XPA: variants seen among roughly 807,000 people sequenced by gnomAD.
XPA encodes the protein XPA, DNA damage recognition and repair factor.
A neutral mutation model predicts 35.7 loss-of-function variants in XPA; 27 were observed. The observed-to-expected ratio is 0.76, with a 90% CI of 0.56 to 1.04. The LOEUF (loss-of-function observed/expected upper bound fraction) is 1.04, where lower values mean the gene tolerates loss of function less well. Among genes scored for constraint, XPA ranks in the 50% least tolerant of loss-of-function variants. XPA has a pLI of 0.00. For missense variants in XPA, 354 were observed against 342.7 expected, an observed-to-expected ratio of 1.03 and a Z score of -0.26; for synonymous variants, 133 against 118.4, an observed-to-expected ratio of 1.12 and a Z score of -0.80.
At position 97,684,941 on chromosome 9, in the gene XPA, A is replaced by G. The variant is rs1828666316; in HGVS notation, c.655T>C (p.Phe219Leu). Residue 219 changes from phenylalanine (F) to leucine (L), a missense_variant, in exon 5 of 6, where the codon TTT (phenylalanine) becomes CTT (leucine). Phe to Leu is a conservative substitution (Grantham distance 22, BLOSUM62 0). Coordinates refer to ENST00000375128, the MANE Select transcript of XPA (RefSeq NM_000380.4). ...ENREKMKQKK[F>L]DKKVKELRRA... ...CATCTACCTTTTACTTTTTTATCAA[A>G]TTTCTTCTGTTTCATTTTTTCTCGG... The G allele has an allele frequency of 1.2e-6, 2 of 1,613,282 alleles. No homozygotes were observed. The highest frequency in any genetic ancestry group is 1.7e-6 in the Non-Finnish European group (2 of 1,179,598).
At chr9:97,658,603 T>A in the XPA span, 1 of 1,498,470 alleles carries the variant, frequency 6.7e-7, no homozygotes, top group East Asian at 2.3e-5. Flanking sequence ...ATGGGACTGA[T>A]AAAAGATATT....
the XPA span, among the ~76,000 whole-genome samples, chr9:97,664,008 G>A: frequency 6.6e-6 from 1 of 151,656 alleles, no homozygotes; most frequent in East Asian, 2.0e-4. Flanking sequence ...GTGAAACCCC[G>A]TCTATACTAA....
At chr9:97,661,642 A>G in the XPA span, among the ~76,000 whole-genome samples, 4 of 151,930 alleles carry the variant, frequency 2.6e-5, no homozygotes, top group East Asian at 7.8e-4. Flanking sequence ...TTGTATTATG[A>G]TATTAGAGAA....
At chr9:97,672,748 A>C (rs1386186645), downstream of XPA, 4 of 177,310 alleles carry the variant, frequency 2.3e-5, no homozygotes, top group Admixed American at 1.8e-4. Flanking sequence ...GAGGATGAAG[A>C]CCTTTATGAT....
chr9:97,695,889 C>G (rs919260932), intron 1 of XPA, among the ~76,000 whole-genome samples: 5 of 152,204 alleles, frequency 3.3e-5, no homozygotes, highest in African/African-American at 1.2e-4. Context: ...TTCTACCTTG[C>G]TTTCCATGAT....
At chr9:97,664,333 A>G in the XPA span, 2 of 1,569,064 alleles carry the variant, frequency 1.3e-6, no homozygotes, top group Non-Finnish European at 1.8e-6. Flanking sequence ...TAATTCTCTC[A>G]TTGTAGATGA....
At chr9:97,677,246 G>A (rs1267494003) in intron 5 of XPA, among the ~76,000 whole-genome samples, 1 of 152,146 alleles carries the variant, frequency 6.6e-6, no homozygotes, top group Non-Finnish European at 1.5e-5. Context: ...TGTCTGTCTA[G>A]CCATAATTGA....
downstream of XPA, chr9:97,671,196 C>T (rs1206495714): frequency 6.3e-7 from 1 of 1,585,282 alleles, no homozygotes; most frequent in East Asian, 2.2e-5. Flanking sequence ...CCCTGCAGGC[C>T]TAAGGGTCAT....
At chr9:97,673,142 A>C (rs1828245097), downstream of XPA, 2 of 152,192 alleles carry the variant, frequency 1.3e-5, no homozygotes. Context: ...AAGAAAAAAA[A>C]TATATAGCAT....
At chr9:97,669,783 A>G in the XPA span, 2 of 1,059,884 alleles carry the variant, frequency 1.9e-6, no homozygotes, top group Non-Finnish European at 2.9e-6. Context: ...ATCCTTGTCA[A>G]ATTTGTTAGG....
chr9:97,686,497 T>A (rs1305999718), intron 4 of XPA, among the ~76,000 whole-genome samples: 1 of 152,208 alleles, frequency 6.6e-6, no homozygotes, highest in Non-Finnish European at 1.5e-5. Flanking sequence ...TTTAAAATAT[T>A]TCTTTTTTGG....
intron 2 of XPA, among the ~76,000 whole-genome samples, chr9:97,691,167 G>A (rs1272886302): frequency 6.6e-6 from 1 of 152,054 alleles, no homozygotes; most frequent in Non-Finnish European, 1.5e-5. Flanking sequence ...ACTTCCAAAT[G>A]GAAAAAAATT....
intron 2 of XPA, among the ~76,000 whole-genome samples, chr9:97,692,952 AAAC>A (rs778813674): frequency 4.6e-5 from 7 of 152,156 alleles, no homozygotes; most frequent in Non-Finnish European, 8.8e-5. Flanking sequence ...CAGCTTCTGC[AAAC>A]AACAATATAG....
chr9:97,675,499 ATCT>A lies in XPA; in HGVS notation c.759_761del (p.Glu253del), dbSNP rs758358436. On this transcript the variant is annotated inframe_deletion, in exon 6 of 6. Transcript: ENST00000375128. ...TAGTACAAGTCTTACGGTACATGTC[ATCT>A]TCTAGGTTTTCTTCTGGTCCATACT... The A allele has an allele frequency of 4.3e-6, 7 of 1,613,848 alleles. No individual in the cohort carries two copies. The highest frequency in any genetic ancestry group is 1.6e-4 in the Middle Eastern group (1 of 6,084).
chr9:97,663,386 C>T, the XPA span, among the ~76,000 whole-genome samples: 5 of 152,188 alleles, frequency 3.3e-5, no homozygotes, highest in African/African-American at 9.6e-5. Context: ...AAATAAATTT[C>T]ATAAAACAGT....
chr9:97,666,555 G>A, the XPA span, among the ~76,000 whole-genome samples: 3 of 152,158 alleles, frequency 2.0e-5, no homozygotes, highest in African/African-American at 7.2e-5. Flanking sequence ...CAGGGGGCTC[G>A]CCTGAATCTA....
downstream of XPA, among the ~76,000 whole-genome samples, chr9:97,674,135 T>TC (rs11397653): frequency 0.017 from 2,627 of 150,282 alleles, 89 homozygotes; most frequent in African/African-American, 0.061. Flanking sequence ...AAGAGCTCCT[T>TC]CCCCGCCCCC....
intron 2 of XPA, among the ~76,000 whole-genome samples, chr9:97,692,429 A>G (rs2131404337): frequency 6.6e-6 from 1 of 152,356 alleles, no homozygotes; most frequent in South Asian, 2.1e-4. Flanking sequence ...ACAAACAAAA[A>G]AATCATGCTT....
At chr9:97,676,992 A>G (rs1425107938) in intron 5 of XPA, among the ~76,000 whole-genome samples, 1 of 152,180 alleles carries the variant, frequency 6.6e-6, no homozygotes, top group Non-Finnish European at 1.5e-5. Context: ...TGATATGCTA[A>G]CCAGAACTCC....
Sources: allele counts gnomAD v4.1 joint callset (sites outside exome capture counted in the v4.1 genomes callset), GRCh38; gene constraint gnomAD v4.1.1; transcripts MANE v1.5; gene names NCBI Gene and HGNC (gene_info 2026-07-23, HGNC 2026-07-21).